EGLN1: variants seen among roughly 807,000 people sequenced by gnomAD.
EGLN1 encodes the protein egl nine homolog 1.
EGLN1 carries 17 observed loss-of-function variants against 38.3 expected under a neutral mutation model. The observed-to-expected ratio is 0.44, with a 90% CI of 0.30 to 0.67. The LOEUF is 0.67. Among genes scored for constraint, EGLN1 ranks in the 30% least tolerant of loss-of-function variants. The pLI, the probability that EGLN1 is intolerant of heterozygous loss-of-function variation, is 0.08. For synonymous variants in EGLN1, 283 were observed against 257.5 expected (o/e 1.10, Z -0.95); for missense variants, 477 against 603.3 (o/e 0.79, Z 2.19).
intron 1 of EGLN1, among the ~76,000 whole-genome samples, chr1:231,399,241 T>G (rs2486730): frequency 0.54 from 82,828 of 151,984 alleles, 24,193 homozygotes; most frequent in Non-Finnish European, 0.65. Flanking sequence ...TACTGGGCAC[T>G]TTATATTATC....
intron 1 of EGLN1, among the ~76,000 whole-genome samples, chr1:231,414,373 C>G (rs1316685326): frequency 6.6e-6 from 1 of 152,090 alleles, no homozygotes; most frequent in Non-Finnish European, 1.5e-5. Flanking sequence ...CAGAAAGGCA[C>G]AGGCTTCAGA....
In EGLN1 at chr1:231,374,028, T is replaced by C; in HGVS notation, c.963A>G (p.Gly321=). 1 of 1,613,664 alleles carries C rather than the reference T, an allele frequency of 6.2e-7. No homozygotes were observed. The highest frequency in any genetic ancestry group is 8.5e-7 in the Non-Finnish European group (1 of 1,179,610). Residue 321 remains glycine, a synonymous_variant, in exon 2 of 5, where the codon GGA becomes GGG. Coordinates refer to ENST00000366641, the MANE Select transcript of EGLN1 (RefSeq NM_022051.3). Reference sequence around the variant, plus strand: ...GATAATATATACATGTCACACATCTTCCATCTCCATTTGGATTATCAACAT... The same window carrying C: ...GATAATATATACATGTCACACATCTCCCATCTCCATTTGGATTATCAACAT... ...VRHVDNPNGD[G]RCVTCIYYLN...
rs1572048664 is a variant in EGLN1, at chr1:231,410,301, G to A, written c.891+10697C>T. The stretch of plus-strand genomic sequence containing the variant: ...TATTGAAGAAAGCTGTCATGTTAGG[G>A]AAGCCCACGTGGCAAGAAACTGAAG... On this transcript the variant is annotated intron_variant, in intron 1 of 4. Coordinates refer to ENST00000366641, the MANE Select transcript of EGLN1 (RefSeq NM_022051.3). 2.0e-5 allele frequency among the ~76,000 whole-genome samples: 3 copies of A among 152,292 alleles called. No homozygotes were observed. The East Asian group carries it at 5.8e-4, about 29-fold the overall frequency.
rs1271572710 is a variant in EGLN1, at chr1:231,371,332, T to A, written c.1012-634A>T. On this transcript the variant is annotated intron_variant, in intron 2 of 4. Coordinates refer to ENST00000366641, the MANE Select transcript of EGLN1 (RefSeq NM_022051.3). ...TGATTTGCTTAACCCACCCTTCAAA[T>A]AGATAGATTTCAAGAAATTTTGACA... 3.9e-5 allele frequency among the ~76,000 whole-genome samples: 6 copies of A among 152,166 alleles called. No homozygotes were observed. The East Asian group carries it at 1.2e-3, about 29-fold the overall frequency.
chr1:231,408,219 T>C (rs1458939392), intron 1 of EGLN1, among the ~76,000 whole-genome samples: 1 of 152,142 alleles, frequency 6.6e-6, no homozygotes, highest in Admixed American at 6.5e-5. Flanking sequence ...TTAGCTTAGA[T>C]CCTAAAGGGT....
rs573425080 is a variant in EGLN1 at position 231,410,212 on chromosome 1, A to C, written c.891+10786T>G. Among the ~76,000 whole-genome samples the C allele has an allele frequency of 2.0e-5, 3 of 152,344 alleles. No individual in the cohort carries two copies. The South Asian group carries it at 6.2e-4, about 32-fold the overall frequency. On this transcript the variant is annotated intron_variant, in intron 1 of 4. Transcript: ENST00000366641. ...GTGATGGGATGTCACTTCCATCATC[A>C]GATTACAAGACTGGGACTTCAGTCT... is the stretch of plus-strand genomic sequence containing the variant.
chr1:231,396,249 CTT>C (rs5781649), intron 1 of EGLN1, among the ~76,000 whole-genome samples: 31 of 139,104 alleles, frequency 2.2e-4, no homozygotes, highest in South Asian at 4.5e-4. Flanking sequence ...TCACTGGCTT[CTT>C]TTTTTTTTTT....
intron 1 of EGLN1, among the ~76,000 whole-genome samples, chr1:231,399,881 A>T (rs572326280): frequency 6.6e-6 from 1 of 152,182 alleles, no homozygotes; most frequent in Non-Finnish European, 1.5e-5. Context: ...AAAAGGGCAG[A>T]CCCTTTTACA....
Position 231,421,231 on chromosome 1 carries a change from G to C in EGLN1, c.658C>G (p.Gln220Glu), listed in dbSNP as rs769570694. The change falls in exon 1 of 5, where the codon CAG (glutamine) becomes GAG (glutamate). Residue 220 changes from glutamine (Q) to glutamate (E), a missense_variant. Transcript: ENST00000366641. The surrounding 1 kb of genome is among the most constrained non-coding windows in gnomAD (Gnocchi z 5.5). The part of the protein sequence containing the change: ...VDDFLGKETG[Q>E]QIGDEVRALH... ...GCGCGCACCTCGTCGCCGATCTGCT[G>C]TCCGGTCTCCTTGCCGAGGAAGTCG... 1.2e-6 allele frequency: 2 copies of C among 1,613,862 alleles called. No individual in the cohort carries two copies. The highest frequency in any genetic ancestry group is 2.2e-5 in the East Asian group (1 of 44,854).
chr1:231,366,203 A>G lies in EGLN1; in HGVS notation c.*208T>C, dbSNP rs1471901820. 3.3e-6 allele frequency: 2 copies of G among 607,086 alleles called. No individual in the cohort carries two copies. Among genetic ancestry groups the G allele is most frequent in the Admixed American group, 3.0e-5 (1 of 33,848 alleles). The allele number at this position is 607,086 out of a possible 1,614,324, so 37.6% of individuals were successfully genotyped here. A position where few individuals can be genotyped will look rare whatever the true frequency, so the allele number is the denominator to read the frequency against. ...ATTAGTAGCTTATCTTCCTCCTGTAAGCAATCACAGATTTGAAGTTGATCA... is the reference window on the plus strand; with the variant it reads ...ATTAGTAGCTTATCTTCCTCCTGTAGGCAATCACAGATTTGAAGTTGATCA... On this transcript the variant is annotated 3_prime_UTR_variant, in exon 5 of 5. Coordinates refer to ENST00000366641, the MANE Select transcript of EGLN1 (RefSeq NM_022051.3).
chr1:231,393,924 T>A (rs1056632907), intron 1 of EGLN1, among the ~76,000 whole-genome samples: 1 of 152,198 alleles, frequency 6.6e-6, no homozygotes, highest in Non-Finnish European at 1.5e-5. Flanking sequence ...CTGTTAAATA[T>A]CTGCAGCCTG....
chr1:231,391,638 G>A (rs59678189), intron 1 of EGLN1, among the ~76,000 whole-genome samples: 2,261 of 152,038 alleles, frequency 0.015, 70 homozygotes, highest in African/African-American at 0.052. Flanking sequence ...CTTAAAATAC[G>A]CATCTTAAAA....
At chr1:231,382,569 C>T (rs773233335) in intron 1 of EGLN1, among the ~76,000 whole-genome samples, 1 of 152,144 alleles carries the variant, frequency 6.6e-6, no homozygotes, top group Admixed American at 6.5e-5. Flanking sequence ...GTATAGGGAC[C>T]ACTGCTCTTA....
At chr1:231,417,444 A>G (rs560651233) in intron 1 of EGLN1, among the ~76,000 whole-genome samples, 8 of 152,130 alleles carry the variant, frequency 5.3e-5, no homozygotes, top group African/African-American at 1.9e-4. Context: ...AAAGTTCAAC[A>G]TTTTCCCATG....
chr1:231,370,131 T>TAA (rs1159732319), intron 3 of EGLN1, among the ~76,000 whole-genome samples: 1 of 152,250 alleles, frequency 6.6e-6, no homozygotes, highest in East Asian at 1.9e-4. Flanking sequence ...ACTCTCTGGT[T>TAA]ACCTCTGATT....
chr1:231,409,902 C>CA (rs34437636), intron 1 of EGLN1, among the ~76,000 whole-genome samples: 23,028 of 152,030 alleles, frequency 0.15, 2,148 homozygotes, highest in African/African-American at 0.25. Context: ...TGTCTAAAAT[C>CA]AGAGAGCAAT....
chr1:231,421,934 G>C lies in EGLN1; in HGVS notation c.-46C>G. 7.4e-7 allele frequency: 1 copy of C among 1,353,878 alleles called. No homozygotes were observed. Among genetic ancestry groups the C allele is most frequent in the East Asian group, 3.1e-5 (1 of 32,016 alleles). 83.9% of individuals were successfully genotyped at this position (1,353,878 alleles called of 1,614,324 possible). ...CGGCGACTGCGGCGGCCGAGCAGGA[G>C]GGGTAGCGGCCGGACGGCCTCGCCC... On this transcript the variant is annotated 5_prime_UTR_variant, in exon 1 of 5. Transcript: ENST00000366641. This position sits in a 1 kb window ranked among gnomAD's most constrained non-coding sequence, Gnocchi z 5.5.
At chr1:231,406,727 T>C (rs751527698) in intron 1 of EGLN1, among the ~76,000 whole-genome samples, 7 of 152,040 alleles carry the variant, frequency 4.6e-5, no homozygotes, top group Non-Finnish European at 7.4e-5. Context: ...GGAGGGGCTT[T>C]ATTACAAGCA....
intron 1 of EGLN1, among the ~76,000 whole-genome samples, chr1:231,411,132 T>TATA (rs944708342): frequency 6.6e-6 from 1 of 152,144 alleles, no homozygotes. Context: ...CATATTGAAT[T>TATA]ATAATCCCCA....
Sources: allele counts gnomAD v4.1 joint callset (sites outside exome capture counted in the v4.1 genomes callset), GRCh38; gene constraint gnomAD v4.1.1; non-coding constraint Gnocchi (gnomAD v3.1); transcripts MANE v1.5; gene names NCBI Gene and HGNC (gene_info 2026-07-23, HGNC 2026-07-21).